The following ASAP2 variants were observed in gnomAD, a reference collection of about 807,000 sequenced individuals.
The protein encoded by ASAP2 is ArfGAP with SH3 domain, ankyrin repeat and PH domain 2.
ASAP2 carries 45 observed loss-of-function variants against 131.4 expected under a neutral mutation model. That is an observed-to-expected ratio of 0.34 (90% CI 0.27 to 0.44). The LOEUF (loss-of-function observed/expected upper bound fraction) is 0.44. Among genes scored for constraint, ASAP2 ranks in the 20% least tolerant of loss-of-function variants. The pLI, the probability that ASAP2 is intolerant of heterozygous loss-of-function variation, is 1.00. For missense variants in ASAP2, 1,011 were observed against 1,297.0 expected (o/e 0.78, Z 3.39); for synonymous variants, 510 against 503.0 (o/e 1.01, Z -0.19).
At chr2:9,258,491 T>C (rs929788720) in intron 1 of ASAP2, among the ~76,000 whole-genome samples, 18 of 152,150 alleles carry the variant, frequency 1.2e-4, no homozygotes, top group Non-Finnish European at 1.8e-4. Context: ...GAATTTTGTA[T>C]CTAGAAGCTC....
chr2:9,248,716 C>T (rs1664504765), intron 1 of ASAP2, among the ~76,000 whole-genome samples: 1 of 152,130 alleles, frequency 6.6e-6, no homozygotes, highest in Admixed American at 6.5e-5. Context: ...TCCTATCTAC[C>T]AGCCATTTGG....
intron 21 of ASAP2, among the ~76,000 whole-genome samples, chr2:9,386,649 ACCATTGGTTTGT>A (rs1025061150): frequency 2.0e-5 from 3 of 152,172 alleles, no homozygotes; most frequent in Non-Finnish European, 4.4e-5. Flanking sequence ...CTGGGTTTGA[ACCATTGGTTTGT>A]CCAGAACCTA....
intron 1 of ASAP2, among the ~76,000 whole-genome samples, chr2:9,256,205 C>A (rs2148169616): frequency 6.6e-6 from 1 of 151,172 alleles, no homozygotes; most frequent in African/African-American, 2.4e-5. Context: ...TCTGGCAGCC[C>A]AATTAATTCA....
chr2:9,208,293 G>C (rs1382692984), intron 1 of ASAP2, among the ~76,000 whole-genome samples: 2 of 140,664 alleles, frequency 1.4e-5, no homozygotes, highest in Non-Finnish European at 3.1e-5. Context: ...TTTTAAAATT[G>C]GGTATTGCAG....
intron 24 of ASAP2, among the ~76,000 whole-genome samples, chr2:9,397,751 T>TATATATATATATA (rs1491228426): frequency 5.0e-5 from 3 of 60,182 alleles, no homozygotes; most frequent in African/African-American, 4.4e-4. Flanking sequence ...TATATATATA[T>TATATATATATATA]TTTTTTTTTT....
chr2:9,391,256 G>T, intron 23 of ASAP2, 60 bp downstream of exon 23: 1 of 1,559,608 alleles, frequency 6.4e-7, no homozygotes, highest in Non-Finnish European at 8.7e-7. Flanking sequence ...GATGGCGGGG[G>T]GTGCTCTCTG....
intron 7 of ASAP2, among the ~76,000 whole-genome samples, chr2:9,331,933 G>A (rs567213908): frequency 1.8e-3 from 281 of 152,234 alleles, no homozygotes; most frequent in African/African-American, 6.6e-3. Flanking sequence ...GCTTGCAGAG[G>A]AGGGAGGGGC....
At chr2:9,267,897 CAAAAA>C (rs34716225) in intron 1 of ASAP2, among the ~76,000 whole-genome samples, 1 of 65,002 alleles carries the variant, frequency 1.5e-5, no homozygotes, top group Non-Finnish European at 2.7e-5. Context: ...GACTCTATCT[CAAAAA>C]AAAAAAAAAA....
intron 1 of ASAP2, among the ~76,000 whole-genome samples, chr2:9,227,743 T>C (rs548218910): frequency 6.6e-5 from 10 of 152,238 alleles, no homozygotes; most frequent in Non-Finnish European, 1.5e-4. Flanking sequence ...AAAAAATATG[T>C]GGGTAAGGTA....
intron 11 of ASAP2, among the ~76,000 whole-genome samples, chr2:9,349,010 TCAAC>T (rs948419667): frequency 1.8e-4 from 28 of 152,168 alleles, no homozygotes; most frequent in African/African-American, 6.5e-4. Flanking sequence ...CTGTATAACC[TCAAC>T]CAGATTATTT....
chr2:9,348,515 A>G (rs1279739352), intron 11 of ASAP2, among the ~76,000 whole-genome samples: 6 of 152,214 alleles, frequency 3.9e-5, no homozygotes, highest in South Asian at 2.1e-4. Context: ...ACTGTTTGCT[A>G]ATACTTAATC....
chr2:9,330,332 C>T (rs1347468928), intron 7 of ASAP2, among the ~76,000 whole-genome samples: 1 of 152,170 alleles, frequency 6.6e-6, no homozygotes, highest in African/African-American at 2.4e-5. Flanking sequence ...AGACAAATAT[C>T]GCATGTTCCC....
intron 7 of ASAP2, among the ~76,000 whole-genome samples, chr2:9,333,018 C>T (rs1172044124): frequency 6.6e-6 from 1 of 152,228 alleles, no homozygotes; most frequent in Non-Finnish European, 1.5e-5. Context: ...GTGTCCCTCT[C>T]CTTCCTCCTT....
At chr2:9,242,199 C>G (rs1266491404) in intron 1 of ASAP2, among the ~76,000 whole-genome samples, 1 of 152,050 alleles carries the variant, frequency 6.6e-6, no homozygotes, top group Non-Finnish European at 1.5e-5. Flanking sequence ...TTCTTTGGAC[C>G]GTGATCTTAG....
rs565247051 is a variant in ASAP2, at chr2:9,281,318, G to A, written c.199+1929G>A. Among the ~76,000 whole-genome samples, 16 of 152,144 alleles carry A rather than the reference G, an allele frequency of 1.1e-4. No individual in the cohort carries two copies. The highest frequency in any genetic ancestry group is 1.9e-4 in the Non-Finnish European group (13 of 68,028). On this transcript the variant is annotated intron_variant, in intron 2 of 27. Coordinates refer to ENST00000281419, the MANE Select transcript of ASAP2 (RefSeq NM_003887.3). The surrounding 1 kb of genome is among the most constrained non-coding windows in gnomAD (Gnocchi z 4.0). ...AACACTGGCTGTGTAGCTGCTGCTC[G>A]TCTGGAGGAGAGACTTGTGTGACTC...
chr2:9,294,720 G>A (rs1000033763), intron 2 of ASAP2, among the ~76,000 whole-genome samples: 9 of 152,166 alleles, frequency 5.9e-5, no homozygotes, highest in African/African-American at 2.2e-4. Context: ...TCCTCCTCTT[G>A]GTTTGAGGGA....
At chr2:9,354,721 A>G (rs1458077556) in intron 12 of ASAP2, among the ~76,000 whole-genome samples, 2 of 151,996 alleles carry the variant, frequency 1.3e-5, no homozygotes, top group Admixed American at 6.5e-5. Context: ...TCCAGGAACC[A>G]AGTTCTGCTG....
At position 9,207,071 on chromosome 2, in the gene ASAP2, T is replaced by C. The variant is rs956044797; in HGVS notation, c.-34T>C. ...GCGGCAGTTGAGGCGGCGGCGCCCC[T>C]GCGGCTGTGCGCCAGCGCCCTCGCG... On this transcript the variant is annotated 5_prime_UTR_variant, in exon 1 of 28. Transcript: ENST00000281419. This position sits in a 1 kb window ranked among gnomAD's most constrained non-coding sequence, Gnocchi z 4.1. 10 of 1,512,690 alleles carry C rather than the reference T, an allele frequency of 6.6e-6. No individual in the cohort carries two copies. The highest frequency in any genetic ancestry group is 8.9e-6 in the Non-Finnish European group (10 of 1,127,376). 93.7% of individuals were successfully genotyped at this position (1,512,690 alleles called of 1,614,324 possible).
chr2:9,241,098 G>C (rs55912883), intron 1 of ASAP2, among the ~76,000 whole-genome samples: 33,196 of 152,206 alleles, frequency 0.22, 3,772 homozygotes, highest in Non-Finnish European at 0.25. Context: ...ACTGTGGTTA[G>C]TGGAAACTGT....
Sources: allele counts gnomAD v4.1 joint callset (sites outside exome capture counted in the v4.1 genomes callset), GRCh38; gene constraint gnomAD v4.1.1; non-coding constraint Gnocchi (gnomAD v3.1); transcripts MANE v1.5; gene names NCBI Gene and HGNC (gene_info 2026-07-23, HGNC 2026-07-21).